The following KCNIP1 variants were observed in gnomAD, a reference collection of about 807,000 sequenced individuals.
KCNIP1 encodes potassium voltage-gated channel interacting protein 1.
In KCNIP1, 18 loss-of-function variants were observed where a neutral mutation model predicts 33.0. That is an observed-to-expected ratio of 0.55 (90% CI 0.38 to 0.81). The LOEUF (loss-of-function observed/expected upper bound fraction) is 0.81, where lower values mean the gene tolerates loss of function less well. KCNIP1 is among the 30% of genes least tolerant of loss of function. The probability of loss-of-function intolerance (pLI) is 0.00; values close to 1 mark genes in which losing one functional copy is unlikely to be tolerated. For synonymous variants in KCNIP1, 93 were observed against 98.3 expected (o/e 0.95, Z 0.32); for missense variants, 238 against 271.6 (o/e 0.88, Z 0.87).
intron 1 of KCNIP1, among the ~76,000 whole-genome samples, chr5:170,707,392 G>T (rs1763293837): frequency 1.3e-5 from 2 of 152,150 alleles, no homozygotes; most frequent in Non-Finnish European, 2.9e-5. Flanking sequence ...ATCTTTTAGG[G>T]CTGCTGCTTT....
intron 5 of KCNIP1, among the ~76,000 whole-genome samples, chr5:170,725,552 T>C (rs1482228089): frequency 6.6e-6 from 1 of 152,060 alleles, no homozygotes; most frequent in Admixed American, 6.6e-5. Flanking sequence ...GAAGTTAGGA[T>C]AGTCAATGGG....
At chr5:170,704,089 T>C (rs1259042710) in intron 1 of KCNIP1, among the ~76,000 whole-genome samples, 5 of 136,784 alleles carry the variant, frequency 3.7e-5, no homozygotes, top group African/African-American at 1.1e-4. Context: ...GAGATGGCAC[T>C]TACGCCATGT....
chr5:170,393,209 T>A (rs1221589442), intron 1 of KCNIP1, among the ~76,000 whole-genome samples: 7 of 152,222 alleles, frequency 4.6e-5, no homozygotes, highest in Non-Finnish European at 1.0e-4. Context: ...TTCTTCATGA[T>A]GTCTGCTTCC....
intron 1 of KCNIP1, among the ~76,000 whole-genome samples, chr5:170,670,388 C>T (rs943245581): frequency 1.3e-5 from 2 of 152,132 alleles, no homozygotes; most frequent in African/African-American, 4.8e-5. Flanking sequence ...CCTAACCCTT[C>T]CAAGGACTTA....
intron 1 of KCNIP1, among the ~76,000 whole-genome samples, chr5:170,477,307 A>G (rs531836068): frequency 1.3e-5 from 2 of 151,196 alleles, no homozygotes; most frequent in Non-Finnish European, 2.9e-5. Context: ...GTATATATAT[A>G]TACACATATA....
chr5:170,421,462 T>C (rs1345433827), intron 1 of KCNIP1, among the ~76,000 whole-genome samples: 1 of 152,136 alleles, frequency 6.6e-6, no homozygotes, highest in African/African-American at 2.4e-5. Flanking sequence ...TTATATACCA[T>C]AGAAATGTAT....
At chr5:170,413,268 C>A (rs574654108) in intron 1 of KCNIP1, among the ~76,000 whole-genome samples, 1 of 152,186 alleles carries the variant, frequency 6.6e-6, no homozygotes, top group Non-Finnish European at 1.5e-5. Flanking sequence ...TTTCAGGGCC[C>A]TCTGGCTGGG....
At chr5:170,529,609 T>C (rs1435003679) in intron 1 of KCNIP1, among the ~76,000 whole-genome samples, 1 of 152,236 alleles carries the variant, frequency 6.6e-6, no homozygotes, top group Non-Finnish European at 1.5e-5. Context: ...TGAAGGATTA[T>C]GAGGAGTTCG....
At chr5:170,644,925 T>C (rs960874432) in intron 1 of KCNIP1, among the ~76,000 whole-genome samples, 1 of 152,238 alleles carries the variant, frequency 6.6e-6, no homozygotes, top group South Asian at 2.1e-4. Context: ...CAACCTCTTC[T>C]GCTCAGCTCT....
chr5:170,504,292 C>G lies in KCNIP1; in HGVS notation c.-281C>G. On this transcript the variant is annotated 5_prime_UTR_variant, in exon 1 of 8. Transcript: ENST00000328939. This position sits in a 1 kb window ranked among gnomAD's most constrained non-coding sequence, Gnocchi z 6.0. Reference sequence around the variant, plus strand: ...GCAGGCTTCAGGGCACCGTCCTCGGCCCTGGGCGAGGGAACCGCCGGGCCG... The same window carrying G: ...GCAGGCTTCAGGGCACCGTCCTCGGGCCTGGGCGAGGGAACCGCCGGGCCG... The G allele has an allele frequency of 1.5e-6, 2 of 1,328,738 alleles. No homozygotes were observed. The highest frequency in any genetic ancestry group is 1.9e-6 in the Non-Finnish European group (2 of 1,041,690). The allele number at this position is 1,328,738 out of a possible 1,614,324, so 82.3% of individuals were successfully genotyped here. A position where few individuals can be genotyped will look rare whatever the true frequency, so the allele number is the denominator to read the frequency against.
At chr5:170,677,001 A>T (rs866077972) in intron 1 of KCNIP1, among the ~76,000 whole-genome samples, 1 of 152,190 alleles carries the variant, frequency 6.6e-6, no homozygotes, top group African/African-American at 2.4e-5. Context: ...CCCCTACCTG[A>T]AGTAACACTC....
intron 1 of KCNIP1, among the ~76,000 whole-genome samples, chr5:170,662,698 C>G (rs1761547051): frequency 6.6e-6 from 1 of 152,204 alleles, no homozygotes; most frequent in Admixed American, 6.5e-5. Context: ...TGGGCACAAG[C>G]CCTCGCCTGG....
intron 1 of KCNIP1, among the ~76,000 whole-genome samples, chr5:170,593,360 G>A (rs1443645562): frequency 6.6e-6 from 1 of 152,090 alleles, no homozygotes; most frequent in Non-Finnish European, 1.5e-5. Flanking sequence ...TTCCAGAAAT[G>A]TTTAACAGAA....
rs1756255311 is a variant in KCNIP1 at position 170,451,723 on chromosome 5, T to TGTGTGTGTGTG, written c.88+97759_88+97760insGTGTGTGTGTG. Among the ~76,000 whole-genome samples the TGTGTGTGTGTG allele has an allele frequency of 4.3e-3, 530 of 122,972 alleles. 7 individuals are homozygous for TGTGTGTGTGTG. The highest frequency in any genetic ancestry group is 0.013 in the Middle Eastern group (3 of 240). The allele number at this position is 122,972 out of a possible 152,430, so 80.7% of individuals were successfully genotyped here. A position where few individuals can be genotyped will look rare whatever the true frequency, so the allele number is the denominator to read the frequency against. On this transcript the variant is annotated intron_variant, in intron 1 of 7. Coordinates refer to the KCNIP1 transcript ENST00000377360. ...GACAGTTGCTTCAGCTTCTCCTGCA[T>TGTGTGTGTGTG]TGTGTGTGTGTGTGTGTGTGTGTGT...
intron 1 of KCNIP1, among the ~76,000 whole-genome samples, chr5:170,417,870 T>C (rs1208151168): frequency 1.3e-5 from 2 of 152,174 alleles, no homozygotes; most frequent in African/African-American, 4.8e-5. Context: ...AATTCACCTG[T>C]CCACCTTGGC....
At chr5:170,479,847 AAAC>A (rs1490547172) in intron 1 of KCNIP1, among the ~76,000 whole-genome samples, 5 of 152,252 alleles carry the variant, frequency 3.3e-5, no homozygotes, top group Non-Finnish European at 7.3e-5. Flanking sequence ...TACATCTATT[AAAC>A]AATATTCCTC....
At chr5:170,633,250 C>T (rs1018053361) in intron 1 of KCNIP1, among the ~76,000 whole-genome samples, 1 of 151,990 alleles carries the variant, frequency 6.6e-6, no homozygotes, top group African/African-American at 2.4e-5. Flanking sequence ...GAGGAGGACG[C>T]TGGTCAGGGG....
chr5:170,488,188 T>A (rs545956584), intron 1 of KCNIP1, among the ~76,000 whole-genome samples: 1 of 152,366 alleles, frequency 6.6e-6, no homozygotes, highest in South Asian at 2.1e-4. Context: ...ATTTCAGGGC[T>A]TCTTGACACT....
At chr5:170,568,233 G>A (rs1757267317) in intron 1 of KCNIP1, among the ~76,000 whole-genome samples, 1 of 152,192 alleles carries the variant, frequency 6.6e-6, no homozygotes, top group African/African-American at 2.4e-5. Context: ...CATATCTGCT[G>A]CAGCAGAATC....
Sources: gnomAD v4.1 joint callset for allele counts (sites outside exome capture counted in the v4.1 genomes callset) on GRCh38, gnomAD v4.1.1 for gene constraint, Gnocchi (gnomAD v3.1) non-coding constraint, MANE v1.5 for transcripts, NCBI Gene and HGNC (gene_info 2026-07-23, HGNC 2026-07-21) for gene names.